The following ANKRD36C variants were observed in gnomAD, a reference collection of about 807,000 sequenced individuals.
The protein encoded by ANKRD36C is ankyrin repeat domain-containing protein 36C.
ANKRD36C carries 61 observed loss-of-function variants against 276.4 expected under a neutral mutation model. That is an observed-to-expected ratio of 0.22 (90% CI 0.18 to 0.27). The LOEUF is 0.27. Ranked by LOEUF, ANKRD36C falls within the 10% of genes least tolerant of loss-of-function variation. The pLI, the probability that ANKRD36C is intolerant of heterozygous loss-of-function variation, is 1.00. For synonymous variants in ANKRD36C, 483 were observed against 680.1 expected (o/e 0.71, Z 4.51); for missense variants, 1,447 against 2,032.3 (o/e 0.71, Z 5.54).
intron 6 of ANKRD36C, among the ~76,000 whole-genome samples, chr2:95,963,997 ATATATATATATATATATGTGTGTG>A (rs1678530950): frequency 3.8e-5 from 1 of 26,054 alleles, no homozygotes; most frequent in Non-Finnish European, 6.5e-5. Flanking sequence ...ATATATATAT[ATATATATATATATATATGTGTGTG>A]TGTGTCATGA....
intron 1 of ANKRD36C, among the ~76,000 whole-genome samples, chr2:95,988,546 TA>T (rs1409868661): frequency 6.6e-6 from 1 of 152,306 alleles, no homozygotes. Flanking sequence ...GTCTGCTACA[TA>T]ATAGGTATTC....
intron 42 of ANKRD36C, among the ~76,000 whole-genome samples, chr2:95,903,395 G>A (rs1004167187): frequency 2.7e-5 from 4 of 150,730 alleles, no homozygotes; most frequent in East Asian, 4.0e-4. Flanking sequence ...AATCAGAGGA[G>A]CAACACATAC....
In ANKRD36C at chr2:95,913,015, C is replaced by T. The variant is rs568098322; in HGVS notation, c.2552-580G>A. Among the ~76,000 whole-genome samples the T allele has an allele frequency of 4.0e-3, 602 of 150,750 alleles. 6 individuals are homozygous for T. The highest frequency in any genetic ancestry group is 0.014 in the African/African-American group (574 of 41,182). ...AGTAGATAATATTCATTATCTCTCACACCCATGTAGTGTAATAATTTGCCT... is the reference window on the plus strand; with the variant it reads ...AGTAGATAATATTCATTATCTCTCATACCCATGTAGTGTAATAATTTGCCT... On this transcript the variant is annotated intron_variant, in intron 40 of 66. Coordinates refer to ENST00000456556, the Ensembl canonical transcript of ANKRD36C.
At chr2:95,990,196 T>C (rs2104550101) in intron 1 of ANKRD36C, among the ~76,000 whole-genome samples, 1 of 152,380 alleles carries the variant, frequency 6.6e-6, no homozygotes, top group South Asian at 2.1e-4. Context: ...ACGAACTTAT[T>C]TCTGTGACAT....
intron 12 of ANKRD36C, among the ~76,000 whole-genome samples, chr2:95,957,961 A>G (rs1424053033): frequency 6.6e-6 from 1 of 152,156 alleles, no homozygotes; most frequent in Non-Finnish European, 1.5e-5. Flanking sequence ...GTTCATCACA[A>G]TTCTAGCACT....
chr2:95,971,398 G>T (rs1678693798), intron 6 of ANKRD36C, among the ~76,000 whole-genome samples: 1 of 150,258 alleles, frequency 6.7e-6, no homozygotes, highest in Non-Finnish European at 1.5e-5. Flanking sequence ...TATTGATAAT[G>T]GGGGGAGCTA....
At chr2:95,968,644 T>C (rs1678641008) in intron 6 of ANKRD36C, among the ~76,000 whole-genome samples, 1 of 152,172 alleles carries the variant, frequency 6.6e-6, no homozygotes, top group African/African-American at 2.4e-5. Context: ...AAGCAAACAA[T>C]CAATTCCTAT....
chr2:95,908,261 G>T (rs1184614683), intron 42 of ANKRD36C, among the ~76,000 whole-genome samples: 1 of 150,250 alleles, frequency 6.7e-6, no homozygotes, highest in Admixed American at 6.6e-5. Flanking sequence ...CTTATGCCTT[G>T]AACTGCTCTC....
intron 3 of ANKRD36C, among the ~76,000 whole-genome samples, chr2:95,983,022 G>C (rs1573819364): frequency 6.6e-6 from 1 of 151,790 alleles, no homozygotes; most frequent in Non-Finnish European, 1.5e-5. Context: ...GGATACAGTT[G>C]TGAGAGCTTA....
chr2:95,910,172 G>A (rs1480864080), intron 42 of ANKRD36C, among the ~76,000 whole-genome samples: 1 of 151,116 alleles, frequency 6.6e-6, no homozygotes, highest in Non-Finnish European at 1.5e-5. Flanking sequence ...TTCAATGTGG[G>A]GAACTGTATA....
chr2:95,891,624 A>C lies in ANKRD36C; in HGVS notation c.2857+41T>G, dbSNP rs1234886142. ...ATTCAGGGAAGAGAATTTCTTATCT[A>C]TCTGCACTGAACATGACATTAAATC... On this transcript the variant is annotated intron_variant, in intron 46 of 66. Coordinates refer to ENST00000456556, the Ensembl canonical transcript of ANKRD36C. 6 of 1,535,006 alleles carry C rather than the reference A, an allele frequency of 3.9e-6. No individual in the cohort carries two copies. In the South Asian group the frequency reaches 4.8e-5, roughly 12 times the overall value.
At chr2:95,937,728 T>C (rs1174284911) in intron 22 of ANKRD36C, among the ~76,000 whole-genome samples, 15 of 150,542 alleles carry the variant, frequency 1.0e-4, no homozygotes, top group African/African-American at 3.3e-4. Flanking sequence ...TTCAGAGTCA[T>C]AACATGATGG....
intron 42 of ANKRD36C, among the ~76,000 whole-genome samples, chr2:95,911,239 T>C (rs1676913881): frequency 6.6e-6 from 1 of 151,496 alleles, no homozygotes; most frequent in African/African-American, 2.4e-5. Context: ...CACCAAAGGA[T>C]AATATATTAG....
chr2:95,908,442 G>A lies in ANKRD36C; in HGVS notation c.2653+3802C>T, dbSNP rs1170059234. Reference sequence around the variant, plus strand: ...ACGAGCCCCCCGCTGATTTATTCACGGAAGAGAATTTCTTATCTATCTGGA... The same window carrying A: ...ACGAGCCCCCCGCTGATTTATTCACAGAAGAGAATTTCTTATCTATCTGGA... On this transcript the variant is annotated intron_variant, in intron 42 of 66. Transcript: ENST00000456556. The A allele has an allele frequency of 1.5e-5, 20 of 1,358,630 alleles. No individual in the cohort carries two copies. The African/African-American group carries it at 1.9e-4, about 13-fold the overall frequency. The allele number at this position is 1,358,630 out of a possible 1,614,324, so 84.2% of individuals were successfully genotyped here.
rs538788484 is a variant in ANKRD36C at position 95,986,444 on chromosome 2, G to A, written c.486+307C>T. Reference sequence around the variant, plus strand: ...TGTCACTTCACACTGATTAGAAAAAGAGTAATTTAGTGGAAAAACACTTAA... The same window carrying A: ...TGTCACTTCACACTGATTAGAAAAAAAGTAATTTAGTGGAAAAACACTTAA... On this transcript the variant is annotated intron_variant, in intron 3 of 66. Transcript: ENST00000456556. 3.6e-3 allele frequency among the ~76,000 whole-genome samples: 555 copies of A among 152,176 alleles called. 4 individuals are homozygous for A. Among genetic ancestry groups the A allele is most frequent in the African/African-American group, 0.013 (534 of 41,436 alleles).
exon 5 of ANKRD36C, chr2:95,980,728 C>G: frequency 6.2e-7 from 1 of 1,611,006 alleles, no homozygotes; most frequent in Non-Finnish European, 8.5e-7. Flanking sequence ...TATTGTGCTG[C>G]AGAAGAAGAA....
chr2:95,970,944 G>A (rs904679432), intron 6 of ANKRD36C, among the ~76,000 whole-genome samples: 3 of 152,038 alleles, frequency 2.0e-5, no homozygotes, highest in Non-Finnish European at 4.4e-5. Flanking sequence ...TCCCCATTAT[G>A]TGGCAAATGT....
Position 95,986,738 on chromosome 2 carries a change from G to C in ANKRD36C, c.486+13C>G. Reference sequence around the variant, plus strand: ...TTTCAGATAGTTTGAAAATAACATTGGTTGACCTATACCTCGCTGCATTCT... The same window carrying C: ...TTTCAGATAGTTTGAAAATAACATTCGTTGACCTATACCTCGCTGCATTCT... On this transcript the variant is annotated intron_variant, in intron 3 of 66. Transcript: ENST00000456556. The C allele has an allele frequency of 6.3e-7, 1 of 1,599,622 alleles. No individual in the cohort carries two copies. The highest frequency in any genetic ancestry group is 1.1e-5 in the South Asian group (1 of 89,550).
chr2:95,936,608 A>C (rs1677724627), intron 22 of ANKRD36C, among the ~76,000 whole-genome samples: 2 of 151,696 alleles, frequency 1.3e-5, no homozygotes, highest in African/African-American at 4.8e-5. Flanking sequence ...GGTCCACATA[A>C]AGTCAGTGTT....
Sources: allele counts gnomAD v4.1 joint callset (sites outside exome capture counted in the v4.1 genomes callset), GRCh38; gene constraint gnomAD v4.1.1; transcripts MANE v1.5; gene names NCBI Gene and HGNC (gene_info 2026-07-23, HGNC 2026-07-21).